The following SEZ6L variants were observed in gnomAD, a reference collection of about 807,000 sequenced individuals.
SEZ6L encodes the protein seizure related 6 homolog like, also known as seizure 6-like protein.
A neutral mutation model predicts 106.2 loss-of-function variants in SEZ6L; 37 were observed. The ratio of observed to expected loss-of-function variants is 0.35; its 90% CI spans 0.27 to 0.46. The LOEUF is 0.46. SEZ6L is among the 20% of genes least tolerant of loss of function. SEZ6L has a pLI of 1.00. For missense variants in SEZ6L, 1,172 were observed against 1,332.8 expected, an observed-to-expected ratio of 0.88 and a Z score of 1.88; for synonymous variants, 541 against 570.4, an observed-to-expected ratio of 0.95 and a Z score of 0.73.
chr22:26,376,511 G>T (rs1008536566), intron 15 of SEZ6L, among the ~76,000 whole-genome samples: 1 of 152,128 alleles, frequency 6.6e-6, no homozygotes, highest in Non-Finnish European at 1.5e-5. Context: ...GGAGGCCAAC[G>T]CAGGTGAATC....
chr22:26,236,457 C>T (rs1029032984), intron 1 of SEZ6L, among the ~76,000 whole-genome samples: 3 of 152,102 alleles, frequency 2.0e-5, no homozygotes, highest in South Asian at 2.1e-4. Context: ...TGCATTTGGT[C>T]GATCTCTCTG....
intron 2 of SEZ6L, among the ~76,000 whole-genome samples, chr22:26,294,053 G>T (rs574211698): frequency 2.6e-5 from 4 of 152,212 alleles, no homozygotes; most frequent in African/African-American, 9.6e-5. Context: ...GAATAAGTGG[G>T]GTCACCCCTG....
chr22:26,347,644 C>T, intron 10 of SEZ6L, 75 bp from the exon 11 acceptor site: 2 of 1,302,824 alleles, frequency 1.5e-6, no homozygotes, highest in Non-Finnish European at 2.1e-6. Context: ...TCGCTCATCC[C>T]TCTAGCCGTC....
chr22:26,279,243 G>A (rs144309142), intron 1 of SEZ6L, among the ~76,000 whole-genome samples: 2 of 152,286 alleles, frequency 1.3e-5, no homozygotes, highest in East Asian at 3.9e-4. Flanking sequence ...TCCTGGTTTA[G>A]GCAGACCCAG....
In SEZ6L at chr22:26,313,785, C is replaced by G; in HGVS notation, c.1898C>G (p.Ser633Cys). 6.2e-7 allele frequency: 1 copy of G among 1,611,602 alleles called. No individual in the cohort carries two copies. Among genetic ancestry groups the G allele is most frequent in the Non-Finnish European group, 8.5e-7 (1 of 1,177,826 alleles). The change falls in exon 9 of 17, where the codon TCT becomes TGT. Residue 633 changes from serine (S) to cysteine (C), a missense_variant. Ser to Cys is a moderately radical substitution (Grantham distance 112). This residue lies in a region of SEZ6L where 534 missense variants were observed against 691.0 expected (regional missense o/e 0.77). Coordinates refer to ENST00000248933, the MANE Select transcript of SEZ6L (RefSeq NM_021115.5). Reference sequence around the variant, plus strand: ...ACAGCCATGTGTGGTGGGGAGCTCTCTGCTGTGGCTGGGGTGGTATTGTCC... The same window carrying G: ...ACAGCCATGTGTGGTGGGGAGCTCTGTGCTGTGGCTGGGGTGGTATTGTCC... Reference protein sequence around the residue: ...LCRAMCGGELSAVAGVVLSPN... With the variant: ...LCRAMCGGELCAVAGVVLSPN...
intron 1 of SEZ6L, among the ~76,000 whole-genome samples, chr22:26,227,610 G>T (rs1423760278): frequency 6.7e-6 from 1 of 148,986 alleles, no homozygotes; most frequent in Non-Finnish European, 1.5e-5. Context: ...GTAGAGACTG[G>T]TTCTTGCTAT....
In SEZ6L at chr22:26,381,311, A is replaced by G. The variant is rs1308429695; in HGVS notation, c.*1016A>G. On this transcript the variant is annotated 3_prime_UTR_variant, in exon 17 of 17. Transcript: ENST00000248933. ...GTTCTGGAATATCTCAGCCCTCAAA[A>G]TAGAGGAGACTCAAGTGCACTGATT... 1 of 152,190 alleles carries G rather than the reference A, an allele frequency of 6.6e-6. No individual in the cohort carries two copies. Among genetic ancestry groups the G allele is most frequent in the Non-Finnish European group, 1.5e-5 (1 of 68,050 alleles). 9.4% of individuals were successfully genotyped at this position (152,190 alleles called of 1,614,324 possible).
intron 1 of SEZ6L, among the ~76,000 whole-genome samples, chr22:26,213,757 C>T (rs983540522): frequency 1.4e-4 from 22 of 152,134 alleles, no homozygotes; most frequent in Non-Finnish European, 7.4e-5. Context: ...CCTGTCTTTA[C>T]AGAAAATACA....
chr22:26,204,030 A>C lies in SEZ6L; in HGVS notation c.94+34267A>C, dbSNP rs1941147604. Among the ~76,000 whole-genome samples the C allele has an allele frequency of 3.9e-5, 6 of 152,192 alleles. No individual in the cohort carries two copies. The South Asian group carries it at 1.2e-3, about 31-fold the overall frequency. On this transcript the variant is annotated intron_variant, in intron 1 of 16. Transcript: ENST00000248933. ...TTCCCCAAGTGTTTCAAATCTCCAG[A>C]CACCCTAATTCTAGAACTTACTCTG...
intron 1 of SEZ6L, among the ~76,000 whole-genome samples, chr22:26,179,045 G>A (rs925835248): frequency 6.6e-6 from 1 of 152,114 alleles, no homozygotes; most frequent in Non-Finnish European, 1.5e-5. Flanking sequence ...TTGGGGAATT[G>A]ATTAGGTCAT....
At chr22:26,255,848 C>T (rs900682819) in intron 1 of SEZ6L, among the ~76,000 whole-genome samples, 3 of 152,210 alleles carry the variant, frequency 2.0e-5, no homozygotes, top group Non-Finnish European at 4.4e-5. Context: ...CCTCTGCCTT[C>T]GTGGAGCAGA....
chr22:26,190,793 T>A (rs573404840), intron 1 of SEZ6L, among the ~76,000 whole-genome samples: 121 of 152,332 alleles, frequency 7.9e-4, no homozygotes, highest in African/African-American at 2.8e-3. Flanking sequence ...GTCCAGCATG[T>A]TAAGGAACTA....
At chr22:26,308,856 C>T (rs1482964612) in intron 6 of SEZ6L, among the ~76,000 whole-genome samples, 1 of 152,078 alleles carries the variant, frequency 6.6e-6, no homozygotes, top group African/African-American at 2.4e-5. Flanking sequence ...CCAGAGCAAC[C>T]CTCTTTGCCA....
chr22:26,201,240 G>T (rs1940923532), intron 1 of SEZ6L, among the ~76,000 whole-genome samples: 1 of 152,120 alleles, frequency 6.6e-6, no homozygotes, highest in African/African-American at 2.4e-5. Flanking sequence ...GTCTCTGGAG[G>T]CTGGGCACGG....
chr22:26,328,614 C>T lies in SEZ6L; in HGVS notation c.2016-11822C>T, dbSNP rs556178624. 1.1e-4 allele frequency among the ~76,000 whole-genome samples: 16 copies of T among 152,206 alleles called. No individual in the cohort carries two copies. The East Asian group carries it at 1.9e-3, about 18-fold the overall frequency. On this transcript the variant is annotated intron_variant, in intron 9 of 16. Coordinates refer to ENST00000248933, the MANE Select transcript of SEZ6L (RefSeq NM_021115.5). The stretch of plus-strand genomic sequence containing the variant: ...GTTATCGGTGACCTTGCCAGAGCCT[C>T]GCCCACTGCCTTCGGAAATGGCTCA...
chr22:26,302,788 C>T (rs1278741731), intron 5 of SEZ6L, among the ~76,000 whole-genome samples: 1 of 152,182 alleles, frequency 6.6e-6, no homozygotes, highest in African/African-American at 2.4e-5. Context: ...GGAGCCACGG[C>T]TGGCAAATTG....
At chr22:26,348,513 A>AGAAGGAAG (rs200858250) in intron 11 of SEZ6L, among the ~76,000 whole-genome samples, 404 of 33,156 alleles carry the variant, frequency 0.012, 4 homozygotes, top group Middle Eastern at 0.029. Context: ...TGGGAGAGAG[A>AGAAGGAAG]GAAGGAAGGA....
At chr22:26,278,559 G>T (rs1387285462) in intron 1 of SEZ6L, among the ~76,000 whole-genome samples, 1 of 152,168 alleles carries the variant, frequency 6.6e-6, no homozygotes, top group African/African-American at 2.4e-5. Flanking sequence ...TTGTGTTTCT[G>T]AGTTAGTTCA....
intron 1 of SEZ6L, among the ~76,000 whole-genome samples, chr22:26,209,593 G>A (rs1303056466): frequency 6.7e-6 from 1 of 149,536 alleles, no homozygotes; most frequent in African/African-American, 2.5e-5. Context: ...ATAGATGGTA[G>A]GAAAAAAGGA....
Sources: allele counts gnomAD v4.1 joint callset (sites outside exome capture counted in the v4.1 genomes callset), GRCh38; gene constraint gnomAD v4.1.1; regional missense constraint gnomAD v4.1.1; transcripts MANE v1.5; gene names NCBI Gene and HGNC (gene_info 2026-07-23, HGNC 2026-07-21).